Variants in THSD7A observed in about 807,000 individuals in gnomAD.
THSD7A encodes thrombospondin type-1 domain-containing protein 7A.
In THSD7A, 96 loss-of-function variants were observed where a neutral mutation model predicts 231.3. The ratio of observed to expected loss-of-function variants is 0.41; its 90% CI spans 0.35 to 0.49. THSD7A has a LOEUF of 0.49. Among genes scored for constraint, THSD7A ranks in the 20% least tolerant of loss-of-function variants. THSD7A has a pLI of 0.05. For missense variants in THSD7A, 2,290 were observed against 2,070.2 expected, an observed-to-expected ratio of 1.11 and a Z score of -2.06; for synonymous variants, 940 against 743.3, an observed-to-expected ratio of 1.26 and a Z score of -4.30.
intron 6 of THSD7A, among the ~76,000 whole-genome samples, chr7:11,503,658 A>C (rs1787429440): frequency 6.6e-6 from 1 of 152,234 alleles, no homozygotes; most frequent in African/African-American, 2.4e-5. Context: ...GGACATGAAC[A>C]GACACTTCTC....
At chr7:11,402,782 A>G (rs1390090903) in intron 22 of THSD7A, among the ~76,000 whole-genome samples, 2 of 152,156 alleles carry the variant, frequency 1.3e-5, no homozygotes, top group African/African-American at 2.4e-5. Context: ...AATCCATCAT[A>G]CATTTATGAA....
At chr7:11,775,245 G>T (rs57683504) in intron 1 of THSD7A, among the ~76,000 whole-genome samples, 37,527 of 152,010 alleles carry the variant, frequency 0.25, 4,849 homozygotes, top group Middle Eastern at 0.39. Context: ...TGCTTTACTG[G>T]TGGGAAGGTA....
intron 4 of THSD7A, among the ~76,000 whole-genome samples, chr7:11,561,193 A>G (rs967756911): frequency 2.6e-5 from 4 of 152,174 alleles, no homozygotes; most frequent in African/African-American, 9.7e-5. Flanking sequence ...TTTCAATAAT[A>G]TATGTCTAGC....
chr7:11,575,520 G>T (rs890940293), intron 4 of THSD7A, among the ~76,000 whole-genome samples: 1 of 152,188 alleles, frequency 6.6e-6, no homozygotes, highest in Non-Finnish European at 1.5e-5. Flanking sequence ...TATCCTCACC[G>T]CAATGATGGT....
At chr7:11,675,658 A>G (rs1783609063) in intron 1 of THSD7A, among the ~76,000 whole-genome samples, 1 of 152,202 alleles carries the variant, frequency 6.6e-6, no homozygotes, top group Non-Finnish European at 1.5e-5. Flanking sequence ...GGAAGTTCAC[A>G]CTGGGCAGAG....
At chr7:11,429,614 T>G (rs1234389348) in intron 13 of THSD7A, among the ~76,000 whole-genome samples, 6 of 152,190 alleles carry the variant, frequency 3.9e-5, no homozygotes, top group Non-Finnish European at 8.8e-5. Context: ...CGTTTCTCCT[T>G]CTTTGAAAAT....
chr7:11,682,320 T>G (rs1344400808), intron 1 of THSD7A, among the ~76,000 whole-genome samples: 1 of 152,108 alleles, frequency 6.6e-6, no homozygotes, highest in African/African-American at 2.4e-5. Flanking sequence ...GCAAATTGTA[T>G]TTTTAAAAAG....
intron 1 of THSD7A, among the ~76,000 whole-genome samples, chr7:11,788,198 G>A (rs1338059542): frequency 1.3e-5 from 2 of 152,018 alleles, no homozygotes; most frequent in Admixed American, 1.3e-4. Context: ...TCTCTTGCCT[G>A]TATCACAGCA....
At chr7:11,470,358 C>T (rs1263623702) in intron 8 of THSD7A, among the ~76,000 whole-genome samples, 1 of 151,866 alleles carries the variant, frequency 6.6e-6, no homozygotes, top group African/African-American at 2.4e-5. Context: ...ATTTAAGGAT[C>T]TAATTCTATG....
intron 17 of THSD7A, among the ~76,000 whole-genome samples, chr7:11,414,292 A>C (rs1783887477): frequency 1.3e-5 from 2 of 152,356 alleles, no homozygotes; most frequent in Non-Finnish European, 2.9e-5. Context: ...ACATTAGAGC[A>C]CTGAAAATCC....
chr7:11,388,670 G>GT, intron 23 of THSD7A, among the ~76,000 whole-genome samples: 1 of 152,134 alleles, frequency 6.6e-6, no homozygotes, highest in South Asian at 2.1e-4. Context: ...TTTTAGAAGA[G>GT]TTTTTTGTGT....
chr7:11,474,730 A>T lies in THSD7A; in HGVS notation c.2018-162T>A, dbSNP rs887429532. Among the ~76,000 whole-genome samples, 1 of 152,200 alleles carries T rather than the reference A, an allele frequency of 6.6e-6. No homozygotes were observed. The highest frequency in any genetic ancestry group is 1.5e-5 in the Non-Finnish European group (1 of 68,030). On this transcript the variant is annotated intron_variant, in intron 7 of 27. Coordinates refer to ENST00000423059, the MANE Select transcript of THSD7A (RefSeq NM_015204.3). This position sits in a 1 kb window ranked among gnomAD's most constrained non-coding sequence, Gnocchi z 4.1. Reference sequence around the variant, plus strand: ...ATATTTATGTGAGATGCTTCAAGGGATACCTACAGGGGTTAAAAATAGTTT... The same window carrying T: ...ATATTTATGTGAGATGCTTCAAGGGTTACCTACAGGGGTTAAAAATAGTTT...
At chr7:11,689,265 C>T (rs574726904) in intron 1 of THSD7A, among the ~76,000 whole-genome samples, 4 of 151,898 alleles carry the variant, frequency 2.6e-5, no homozygotes, top group African/African-American at 4.8e-5. Context: ...AAGCACTTGC[C>T]GGTTCATTGA....
At chr7:11,493,037 C>A (rs1238869516) in intron 6 of THSD7A, among the ~76,000 whole-genome samples, 2 of 152,086 alleles carry the variant, frequency 1.3e-5, no homozygotes, top group East Asian at 3.9e-4. Flanking sequence ...TTAGGAACTC[C>A]CAGCCCATTT....
At chr7:11,661,371 G>C (rs1195353778) in intron 1 of THSD7A, among the ~76,000 whole-genome samples, 4 of 151,112 alleles carry the variant, frequency 2.6e-5, no homozygotes, top group African/African-American at 9.7e-5. Flanking sequence ...CAAAGATATA[G>C]GACAGCTAGA....
At chr7:11,529,685 G>T (rs533688379) in intron 6 of THSD7A, among the ~76,000 whole-genome samples, 1 of 152,040 alleles carries the variant, frequency 6.6e-6, no homozygotes, top group Non-Finnish European at 1.5e-5. Context: ...TTCTGAGTGA[G>T]GCCTCTTCAG....
At chr7:11,719,994 C>T (rs1273162492) in intron 1 of THSD7A, among the ~76,000 whole-genome samples, 1 of 151,760 alleles carries the variant, frequency 6.6e-6, no homozygotes, top group East Asian at 2.0e-4. Flanking sequence ...ATTGGTTTAT[C>T]TCAGAACTAA....
At chr7:11,684,025 A>T (rs1779934851) in intron 1 of THSD7A, among the ~76,000 whole-genome samples, 1 of 152,048 alleles carries the variant, frequency 6.6e-6, no homozygotes, top group African/African-American at 2.4e-5. Flanking sequence ...ACAACAAAAA[A>T]TATCCAGCAC....
At chr7:11,553,420 G>A (rs1055896404) in intron 4 of THSD7A, among the ~76,000 whole-genome samples, 3 of 151,980 alleles carry the variant, frequency 2.0e-5, no homozygotes, top group Non-Finnish European at 4.4e-5. Context: ...AGAGTTATTT[G>A]GAATCAGTGT....
Sources: allele counts gnomAD v4.1 joint callset (sites outside exome capture counted in the v4.1 genomes callset), GRCh38; gene constraint gnomAD v4.1.1; non-coding constraint Gnocchi (gnomAD v3.1); transcripts MANE v1.5; gene names NCBI Gene and HGNC (gene_info 2026-07-23, HGNC 2026-07-21).